The following KLK11 variants were observed in gnomAD, a reference collection of about 807,000 sequenced individuals.
KLK11 encodes kallikrein-11.
Under a neutral mutation model 23.4 loss-of-function variants are expected in KLK11, and 10 were observed. The ratio of observed to expected loss-of-function variants is 0.43; its 90% confidence interval spans 0.26 to 0.73. The LOEUF is 0.73. Among genes scored for constraint, KLK11 ranks in the 30% least tolerant of loss-of-function variants. The pLI, the probability that KLK11 is intolerant of heterozygous loss-of-function variation, is 0.22. For synonymous variants in KLK11, 131 were observed against 131.7 expected (o/e 0.99, Z 0.03); for missense variants, 285 against 327.8 (o/e 0.87, Z 1.01).
intron 5 of KLK11, 24 bp from the exon 6 acceptor site, chr19:51,022,721 C>G: frequency 6.2e-7 from 1 of 1,612,110 alleles, no homozygotes; most frequent in Non-Finnish European, 8.5e-7. Flanking sequence ...GAGAGAATGT[C>G]GGTCAGAGAA....
At chr19:51,022,838 G>T in intron 5 of KLK11, 141 bp from the exon 6 acceptor site, 2 of 1,027,382 alleles carry the variant, frequency 1.9e-6, no homozygotes, top group African/African-American at 3.2e-5. Flanking sequence ...TAGCGATAAA[G>T]CTGGGATTAT....
In KLK11 at chr19:51,022,998, G is replaced by A. The variant is rs1417537796; in HGVS notation, c.600+94C>T. ...GATGGATTGGGAGTTGCAGGGGTCG[G>A]CGGGTTGAGGTTGGGGATGAAATTG... On this transcript the variant is annotated intron_variant, in intron 5 of 5. Coordinates refer to ENST00000453757, the MANE Select transcript of KLK11 (RefSeq NM_001136032.3). 5.0e-6 allele frequency: 7 copies of A among 1,389,774 alleles called. No homozygotes were observed. In the Admixed American group the frequency reaches 1.4e-4, roughly 28 times the overall value. The allele number at this position is 1,389,774 out of a possible 1,614,324, so 86.1% of individuals were successfully genotyped here. A position where few individuals can be genotyped will look rare whatever the true frequency, so the allele number is the denominator to read the frequency against.
upstream of KLK11, chr19:51,027,635 G>A: frequency 7.9e-7 from 1 of 1,260,308 alleles, no homozygotes. Flanking sequence ...GGCAGGGGAG[G>A]GCCTAGGTTC....
rs1382419913 is a variant in KLK11, at chr19:51,024,463, T to TC, written c.198-154dup. 2 of 1,270,592 alleles carry TC rather than the reference T, an allele frequency of 1.6e-6. No homozygotes were observed. The highest frequency in any genetic ancestry group is 2.1e-6 in the Non-Finnish European group (2 of 944,786). The allele number at this position is 1,270,592 out of a possible 1,614,324, so 78.7% of individuals were successfully genotyped here. On this transcript the variant is annotated intron_variant, in intron 3 of 5. Transcript: ENST00000453757. The surrounding 1 kb of genome is among the most constrained non-coding windows in gnomAD (Gnocchi z 6.2). ...AGCCCCCTTCCCAGCCATAGCCCCA[T>TC]CCCAACCCCATTCATCCCCCCACCT...
At chr19:51,023,662 G>T (rs1338988564) in intron 4 of KLK11, 1 of 218,056 alleles carries the variant, frequency 4.6e-6, no homozygotes, top group African/African-American at 2.3e-5. Context: ...TGGGATTACA[G>T]GCGTGAGCCA....
rs781779075 is a variant in KLK11, at chr19:51,025,674, C to G, written c.-35-8G>C. 6.7e-7 allele frequency: 1 copy of G among 1,497,656 alleles called. No individual in the cohort carries two copies. The highest frequency in any genetic ancestry group is 9.0e-7 in the Non-Finnish European group (1 of 1,108,126). The allele number at this position is 1,497,656 out of a possible 1,614,324, so 92.8% of individuals were successfully genotyped here. On this transcript the variant is annotated splice_region_variant and splice_polypyrimidine_tract_variant and intron_variant, in intron 1 of 5. Coordinates refer to ENST00000453757, the MANE Select transcript of KLK11 (RefSeq NM_001136032.3). The surrounding 1 kb of genome is among the most constrained non-coding windows in gnomAD (Gnocchi z 6.2). ...AGCGGGCCCCAGGTTCCTCTGGGAACAAGGAGGGACATGGGGCCGCATCAC... is the reference window on the plus strand; with the variant it reads ...AGCGGGCCCCAGGTTCCTCTGGGAAGAAGGAGGGACATGGGGCCGCATCAC...
chr19:51,022,387 C>A lies in KLK11; in HGVS notation c.*158G>T. The stretch of plus-strand genomic sequence containing the variant: ...AATCCAGGTCTCACTGATTTCGAAC[C>A]CCAGGTTGATTATTAAGTGACAGCA... On this transcript the variant is annotated 3_prime_UTR_variant, in exon 6 of 6. Coordinates refer to ENST00000453757, the MANE Select transcript of KLK11 (RefSeq NM_001136032.3). 1.2e-6 allele frequency: 1 copy of A among 805,134 alleles called. No individual in the cohort carries two copies. The highest frequency in any genetic ancestry group is 2.0e-6 in the Non-Finnish European group (1 of 491,088). 49.9% of individuals were successfully genotyped at this position (805,134 alleles called of 1,614,324 possible).
In KLK11 at chr19:51,024,192, C is replaced by T. The variant is rs373492525; in HGVS notation, c.316G>A (p.Asp106Asn). 6.2e-7 allele frequency: 1 copy of T among 1,613,906 alleles called. No individual in the cohort carries two copies. Among genetic ancestry groups the T allele is most frequent in the Non-Finnish European group, 8.5e-7 (1 of 1,179,990 alleles). Residue 106 changes from aspartate to asparagine, a missense_variant, in exon 4 of 6, where the codon GAC (aspartate) becomes AAC (asparagine). By Grantham distance (23) the Asp-to-Asn change is conservative. Coordinates refer to ENST00000453757, the MANE Select transcript of KLK11 (RefSeq NM_001136032.3). This position sits in a 1 kb window ranked among gnomAD's most constrained non-coding sequence, Gnocchi z 6.2. ...PGFNNSLPNK[D>N]HRNDIMLVKM... Reference sequence around the variant, plus strand: ...ACCAGCATGATGTCATTGCGGTGGTCTTTGTTGGGGAGGCTGTTGTTGAAG... The same window carrying T: ...ACCAGCATGATGTCATTGCGGTGGTTTTTGTTGGGGAGGCTGTTGTTGAAG...
chr19:51,025,499 G>C lies in KLK11; in HGVS notation c.40+93C>G. 2.5e-6 allele frequency: 2 copies of C among 798,196 alleles called. No homozygotes were observed. The highest frequency in any genetic ancestry group is 4.4e-5 in the South Asian group (2 of 45,138). 49.4% of individuals were successfully genotyped at this position (798,196 alleles called of 1,614,324 possible). ...TGCCTTATGGGTTGTTCTGTAATTT[G>C]GAATCAGCCCTGTCACTGTCCAGAC... On this transcript the variant is annotated intron_variant, in intron 2 of 5. Transcript: ENST00000453757. The surrounding 1 kb of genome is among the most constrained non-coding windows in gnomAD (Gnocchi z 6.2).
chr19:51,023,923 C>T (rs1237507328), intron 4 of KLK11, 122 bp downstream of exon 4: 18 of 901,966 alleles, frequency 2.0e-5, no homozygotes, highest in South Asian at 1.2e-4. Flanking sequence ...GTTTTCCACA[C>T]ATCCTCTCAA....
At position 51,022,684 on chromosome 19, in the gene KLK11, C is replaced by A. The variant is rs201449261; in HGVS notation, c.614G>T (p.Gly205Val). Residue 205 changes from glycine to valine, a missense_variant, in exon 6 of 6, where the codon GGC (glycine) becomes GTC (valine). Coordinates refer to ENST00000453757, the MANE Select transcript of KLK11 (RefSeq NM_001136032.3). ...GKDSCQGDSG[G>V]PLVCNQSLQG... ...AAGAGACTGGTTACAGACCAGAGGG[C>A]CCCCGGAGTCACCCTGGGCACGGGG... 6.2e-7 allele frequency: 1 copy of A among 1,612,788 alleles called. No individual in the cohort carries two copies. Among genetic ancestry groups the A allele is most frequent in the African/African-American group, 1.3e-5 (1 of 74,866 alleles).
At position 51,023,105 on chromosome 19, in the gene KLK11, T is replaced by G. The variant is rs1281222827; in HGVS notation, c.587A>C (p.Lys196Thr). 6.2e-7 allele frequency: 1 copy of G among 1,609,268 alleles called. No individual in the cohort carries two copies. Among genetic ancestry groups the G allele is most frequent in the Non-Finnish European group, 8.5e-7 (1 of 1,177,970 alleles). ...MVCASVQEGG[K>T]DSCQGDSGGP... is the part of the protein sequence containing the mutation. ...GACCACACTGACCTGGCAGGAGTCC[T>G]TGCCCCCTTCCTGCACGCTGGCACA... Residue 196 changes from lysine (K) to threonine (T), a missense_variant, in exon 5 of 6, where the codon AAG (lysine) becomes ACG (threonine). By Grantham distance (78) the Lys-to-Thr change is moderately conservative. Coordinates refer to ENST00000453757, the MANE Select transcript of KLK11 (RefSeq NM_001136032.3).
At position 51,022,502 on chromosome 19, in the gene KLK11, A is replaced by C. The variant is rs369006257; in HGVS notation, c.*43T>G. The stretch of plus-strand genomic sequence containing the variant: ...ACAGAGTGAACAGGAACCAAACACC[A>C]AGTGGAAATGGAGGGTGATGGGCTG... On this transcript the variant is annotated 3_prime_UTR_variant, in exon 6 of 6. Coordinates refer to ENST00000453757, the MANE Select transcript of KLK11 (RefSeq NM_001136032.3). The C allele has an allele frequency of 1.9e-6, 3 of 1,612,688 alleles. No homozygotes were observed. Among genetic ancestry groups the C allele is most frequent in the Non-Finnish European group, 1.7e-6 (2 of 1,178,930 alleles).
Position 51,024,262 on chromosome 19 carries a change from G to A in KLK11, c.246C>T (p.Gly82=), listed in dbSNP as rs958758195. 1 of 1,614,042 alleles carries A rather than the reference G, an allele frequency of 6.2e-7. No individual in the cohort carries two copies. Among genetic ancestry groups the A allele is most frequent in the Non-Finnish European group, 8.5e-7 (1 of 1,180,002 alleles). Residue 82 remains glycine (G), a synonymous_variant, in exon 4 of 6, where the codon GGC becomes GGT. Transcript: ENST00000453757. This position sits in a 1 kb window ranked among gnomAD's most constrained non-coding sequence, Gnocchi z 6.2. ...CAGTGGCTGTCCGGGTCTGCTCACA[G>A]CCCTCCTCCTTCTGGAGGTTGTGCT... is the stretch of plus-strand genomic sequence containing the variant. ...LGQHNLQKEE[G]CEQTRTATES... is the part of the protein sequence containing the mutation.
At chr19:51,026,631 C>T, upstream of KLK11, 1 of 986,456 alleles carries the variant, frequency 1.0e-6, no homozygotes, top group Non-Finnish European at 1.2e-6. Flanking sequence ...CGCCAGGTGC[C>T]AGGCACCAGG....
chr19:51,025,535 A>AG lies in KLK11; in HGVS notation c.40+56dup. 8.5e-7 allele frequency: 1 copy of AG among 1,176,036 alleles called. No individual in the cohort carries two copies. The highest frequency in any genetic ancestry group is 1.2e-6 in the Non-Finnish European group (1 of 831,058). The allele number at this position is 1,176,036 out of a possible 1,614,324, so 72.9% of individuals were successfully genotyped here. ...TGTCACTGTCCAGACACAGAGGGTT[A>AG]GGGGATCCCAGAGATTCAAGAGGGA... On this transcript the variant is annotated intron_variant, in intron 2 of 5. Transcript: ENST00000453757. This position sits in a 1 kb window ranked among gnomAD's most constrained non-coding sequence, Gnocchi z 6.2.
chr19:51,022,820 G>T (rs1266508390), intron 5 of KLK11, 123 bp from the exon 6 acceptor site: 2 of 1,139,052 alleles, frequency 1.8e-6, no homozygotes, highest in Non-Finnish European at 1.3e-6. Flanking sequence ...TGGGAAAGGT[G>T]ATAGGTTTAG....
At chr19:51,026,955 G>C (rs917797967), upstream of KLK11, 1 of 156,676 alleles carries the variant, frequency 6.4e-6, no homozygotes, top group Non-Finnish European at 1.4e-5. Context: ...CTATGTGTCT[G>C]TCTGCCTTTC....
upstream of KLK11, chr19:51,026,655 AG>A (rs1165593370): frequency 5.2e-6 from 5 of 961,238 alleles, no homozygotes; most frequent in African/African-American, 1.8e-5. Context: ...GCGGGCTGGC[AG>A]GGGGGCGGCC....
Sources: allele counts gnomAD v4.1 joint callset, GRCh38; gene constraint gnomAD v4.1.1; non-coding constraint Gnocchi (gnomAD v3.1); transcripts MANE v1.5; gene names NCBI Gene and HGNC (gene_info 2026-07-23, HGNC 2026-07-21).